OPCML: variants seen among roughly 807,000 people sequenced by gnomAD.
OPCML encodes the protein opioid binding protein/cell adhesion molecule like.
Under a neutral mutation model 37.8 loss-of-function variants are expected in OPCML, and 13 were observed. The ratio of observed to expected loss-of-function variants is 0.34; its 90% CI spans 0.22 to 0.55. The LOEUF (loss-of-function observed/expected upper bound fraction) is 0.55. Ranked by LOEUF, OPCML falls within the 20% of genes least tolerant of loss-of-function variation. OPCML has a pLI of 0.91. For synonymous variants in OPCML, 176 were observed against 168.8 expected (o/e 1.04, Z -0.33); for missense variants, 341 against 435.6 (o/e 0.78, Z 1.93).
Position 133,191,178 on chromosome 11 carries a change from G to A in OPCML, c.62-248168C>T, listed in dbSNP as rs115246498. ...CTGTCTTTTTTATTATGGCGAATGA[G>A]AGTGATATCTCATTATGACTTTGGT... is the stretch of plus-strand genomic sequence containing the variant. On this transcript the variant is annotated intron_variant, in intron 1 of 7. Coordinates refer to ENST00000524381, the MANE Select transcript of OPCML (RefSeq NM_001012393.5). Among the ~76,000 whole-genome samples the A allele has an allele frequency of 2.3e-3, 354 of 152,090 alleles. 1 individual carries two copies. The highest frequency in any genetic ancestry group is 7.9e-3 in the African/African-American group (327 of 41,492).
At chr11:132,928,407 C>T (rs186638895) in intron 2 of OPCML, among the ~76,000 whole-genome samples, 5 of 151,822 alleles carry the variant, frequency 3.3e-5, no homozygotes, top group Non-Finnish European at 7.4e-5. Flanking sequence ...AATAAAGAGG[C>T]CAATTTACCA....
chr11:132,426,518 T>C (rs2095978152), intron 7 of OPCML, among the ~76,000 whole-genome samples: 1 of 152,094 alleles, frequency 6.6e-6, no homozygotes, highest in African/African-American at 2.4e-5. Flanking sequence ...CGGCTGAATC[T>C]GCCTTTCAGG....
intron 2 of OPCML, among the ~76,000 whole-genome samples, chr11:132,734,076 A>G (rs966991414): frequency 1.3e-5 from 2 of 152,212 alleles, no homozygotes; most frequent in Admixed American, 6.5e-5. Flanking sequence ...GTTTTTATGA[A>G]GACTAGATAC....
chr11:132,967,413 AAAAG>A (rs1488948107), intron 1 of OPCML, among the ~76,000 whole-genome samples: 39 of 152,212 alleles, frequency 2.6e-4, no homozygotes, highest in African/African-American at 9.1e-4. Context: ...AGAAGCTGAG[AAAAG>A]AAAGGAAAAC....
intron 1 of OPCML, among the ~76,000 whole-genome samples, chr11:133,051,560 C>G (rs902772555): frequency 6.6e-6 from 1 of 152,164 alleles, no homozygotes; most frequent in African/African-American, 2.4e-5. Flanking sequence ...ACCATTCTCA[C>G]TTGCCTGCCC....
rs145625833 is a variant in OPCML, at chr11:133,388,038, C to CT, written c.61+144225dup. ...TTGGAGGGGCAGATCGTATGGGGCC[C>CT]TTGAGTCTGCCCATGGGTTTTATTC... On this transcript the variant is annotated intron_variant, in intron 1 of 7. Transcript: ENST00000524381. Among the ~76,000 whole-genome samples, 61 of 152,222 alleles carry CT rather than the reference C, an allele frequency of 4.0e-4. No individual in the cohort carries two copies. In the East Asian group the frequency reaches 4.6e-3, roughly 12 times the overall value.
chr11:132,477,316 G>A (rs1385198040), intron 4 of OPCML, among the ~76,000 whole-genome samples: 1 of 152,154 alleles, frequency 6.6e-6, no homozygotes, highest in African/African-American at 2.4e-5. Context: ...AAGTACACAG[G>A]GATTAGAGCC....
intron 1 of OPCML, among the ~76,000 whole-genome samples, chr11:133,493,144 T>C (rs887957626): frequency 6.6e-6 from 1 of 152,194 alleles, no homozygotes; most frequent in Non-Finnish European, 1.5e-5. Context: ...GCTCATGACC[T>C]TGCCCCCCAG....
chr11:132,830,737 C>T (rs917992888), intron 2 of OPCML, among the ~76,000 whole-genome samples: 3 of 152,176 alleles, frequency 2.0e-5, no homozygotes, highest in African/African-American at 7.2e-5. Flanking sequence ...AATTCTGCCT[C>T]TCTATCTTTT....
At position 132,850,516 on chromosome 11, in the gene OPCML, G is replaced by GGAGTGTGTGT. The variant is rs796790289; in HGVS notation, c.146+92409_146+92410insACACACACTC. On this transcript the variant is annotated intron_variant, in intron 2 of 7. Transcript: ENST00000524381. ...TTTTATGATTCTACACTGTGGAAAG[G>GGAGTGTGTGT]GTGTGTGTGTGTGTGTGTGTGTGTG... 1.4e-3 allele frequency among the ~76,000 whole-genome samples: 204 copies of GGAGTGTGTGT among 148,124 alleles called. 2 individuals carry two copies. The highest frequency in any genetic ancestry group is 4.8e-3 in the African/African-American group (195 of 40,228).
At position 133,236,182 on chromosome 11, in the gene OPCML, A is replaced by G. The variant is rs529120185; in HGVS notation, c.62-293172T>C. On this transcript the variant is annotated intron_variant, in intron 1 of 7. Coordinates refer to ENST00000524381, the MANE Select transcript of OPCML (RefSeq NM_001012393.5). ...AAGAAAATAAGGGTGGCTTGAACACATGCACTGCGATAATCCCCACAGTCG... is the reference window on the plus strand; with the variant it reads ...AAGAAAATAAGGGTGGCTTGAACACGTGCACTGCGATAATCCCCACAGTCG... Among the ~76,000 whole-genome samples the G allele has an allele frequency of 1.5e-4, 23 of 152,284 alleles. No homozygotes were observed. In the South Asian group the frequency reaches 4.6e-3, roughly 30 times the overall value.
At chr11:132,539,709 G>T (rs2096351039) in intron 3 of OPCML, among the ~76,000 whole-genome samples, 1 of 151,874 alleles carries the variant, frequency 6.6e-6, no homozygotes, top group Non-Finnish European at 1.5e-5. Flanking sequence ...GATGATAATG[G>T]TTATGGTGAT....
intron 2 of OPCML, among the ~76,000 whole-genome samples, chr11:132,701,291 ACCC>A (rs748513074): frequency 5.9e-5 from 9 of 152,196 alleles, no homozygotes; most frequent in Non-Finnish European, 1.0e-4. Context: ...GGGGAAATTG[ACCC>A]CATGATTCAA....
intron 4 of OPCML, among the ~76,000 whole-genome samples, chr11:132,465,914 G>C (rs559867035): frequency 6.6e-6 from 1 of 152,162 alleles, no homozygotes; most frequent in Admixed American, 6.6e-5. Context: ...TATCTTTAAA[G>C]TTGAGAAACT....
chr11:132,811,679 A>AC (rs1358276920), intron 2 of OPCML, among the ~76,000 whole-genome samples: 1 of 152,190 alleles, frequency 6.6e-6, no homozygotes, highest in East Asian at 1.9e-4. Flanking sequence ...TGAACCCCCA[A>AC]CAGCCTGCTG....
chr11:133,530,101 G>T (rs947397223), intron 1 of OPCML, among the ~76,000 whole-genome samples: 1 of 152,182 alleles, frequency 6.6e-6, no homozygotes. Context: ...CAGGGGGGTG[G>T]GGGGGATAGC....
chr11:133,087,658 A>C (rs1416968284), intron 1 of OPCML, among the ~76,000 whole-genome samples: 1 of 152,244 alleles, frequency 6.6e-6, no homozygotes, highest in Non-Finnish European at 1.5e-5. Flanking sequence ...ACTACAGACT[A>C]TTTTTAAGTT....
intron 4 of OPCML, among the ~76,000 whole-genome samples, chr11:132,489,576 A>G (rs2096209668): frequency 6.6e-6 from 1 of 152,098 alleles, no homozygotes; most frequent in South Asian, 2.1e-4. Context: ...TTGTGCTAAG[A>G]CCTTAGGACA....
chr11:132,645,880 C>T (rs562535289), intron 3 of OPCML, among the ~76,000 whole-genome samples: 7 of 152,280 alleles, frequency 4.6e-5, no homozygotes, highest in African/African-American at 7.2e-5. Context: ...AGAGCATTTC[C>T]GTCATCGCGG....
Sources: allele counts gnomAD v4.1 joint callset (sites outside exome capture counted in the v4.1 genomes callset), GRCh38; gene constraint gnomAD v4.1.1; transcripts MANE v1.5; gene names NCBI Gene and HGNC (gene_info 2026-07-23, HGNC 2026-07-21).